Variants in PTPRD observed in about 807,000 individuals in gnomAD.
PTPRD encodes the protein receptor-type tyrosine-protein phosphatase delta.
A neutral mutation model predicts 214.5 loss-of-function variants in PTPRD; 34 were observed. The observed-to-expected ratio is 0.16, with a 90% CI of 0.12 to 0.21. The LOEUF is 0.21. Ranked by LOEUF, PTPRD falls within the 10% of genes least tolerant of loss-of-function variation. The probability of loss-of-function intolerance (pLI) is 1.00; values close to 1 mark genes in which losing one functional copy is unlikely to be tolerated. For missense variants in PTPRD, 2,545 were observed against 2,398.7 expected (o/e 1.06, Z -1.27); for synonymous variants, 1,128 against 845.7 (o/e 1.33, Z -5.79).
At chr9:8,969,790 G>T (rs999636237) in intron 11 of PTPRD, among the ~76,000 whole-genome samples, 3 of 151,794 alleles carry the variant, frequency 2.0e-5, no homozygotes, top group Admixed American at 1.3e-4. Context: ...CTAGGGTCAA[G>T]AAAAGTATAA....
At chr9:10,431,227 G>C (rs1476790921) in intron 2 of PTPRD, among the ~76,000 whole-genome samples, 3 of 151,872 alleles carry the variant, frequency 2.0e-5, no homozygotes, top group Non-Finnish European at 4.4e-5. Flanking sequence ...TTCCAGTTTA[G>C]CCATATGTAG....
chr9:10,519,533 A>G (rs2051429214), intron 2 of PTPRD, among the ~76,000 whole-genome samples: 3 of 152,118 alleles, frequency 2.0e-5, no homozygotes, highest in Admixed American at 2.0e-4. Flanking sequence ...AACTTCTTAG[A>G]GCTGAGTATA....
rs1421298671 is a variant in PTPRD at position 9,810,562 on chromosome 9, G to A, written c.-367-43711C>T. 2.6e-5 allele frequency among the ~76,000 whole-genome samples: 4 copies of A among 151,466 alleles called. No homozygotes were observed. In the South Asian group the frequency reaches 6.3e-4, roughly 24 times the overall value. On this transcript the variant is annotated intron_variant, in intron 5 of 45. Coordinates refer to ENST00000381196, the MANE Select transcript of PTPRD (RefSeq NM_002839.4). Reference sequence around the variant, plus strand: ...GGATGACAGCAAAACTTTACCACATGGTTGATGGAATATTTTAAGTTACTT... The same window carrying A: ...GGATGACAGCAAAACTTTACCACATAGTTGATGGAATATTTTAAGTTACTT...
intron 5 of PTPRD, among the ~76,000 whole-genome samples, chr9:9,861,888 C>A (rs1391321553): frequency 1.3e-5 from 2 of 152,064 alleles, no homozygotes; most frequent in African/African-American, 4.8e-5. Context: ...TTTACCTTAC[C>A]TGTTTTGATT....
chr9:10,367,227 A>C (rs1421235665), intron 2 of PTPRD, among the ~76,000 whole-genome samples: 2 of 152,144 alleles, frequency 1.3e-5, no homozygotes, highest in African/African-American at 4.8e-5. Context: ...TAAGAGAGAA[A>C]TTAAGGAGAA....
intron 2 of PTPRD, among the ~76,000 whole-genome samples, chr9:10,438,211 G>A (rs958880521): frequency 6.6e-6 from 1 of 151,242 alleles, no homozygotes. Context: ...CAATTACTGA[G>A]TGCCTATACA....
intron 5 of PTPRD, among the ~76,000 whole-genome samples, chr9:9,775,868 A>G (rs1228524514): frequency 7.1e-6 from 1 of 141,044 alleles, no homozygotes; most frequent in Non-Finnish European, 1.5e-5. Context: ...AGGCAGGAGA[A>G]TGGTGTGAAC....
intron 3 of PTPRD, among the ~76,000 whole-genome samples, chr9:10,158,116 C>T (rs528029274): frequency 6.6e-6 from 1 of 152,180 alleles, no homozygotes; most frequent in East Asian, 1.9e-4. Context: ...TCAAACAATT[C>T]TTCTGTCTCA....
chr9:10,015,847 G>A (rs1389613119), intron 4 of PTPRD, among the ~76,000 whole-genome samples: 1 of 152,048 alleles, frequency 6.6e-6, no homozygotes, highest in African/African-American at 2.4e-5. Context: ...GATACTACAA[G>A]GTCATTTTGA....
chr9:9,390,730 G>C (rs1309126109), intron 9 of PTPRD, among the ~76,000 whole-genome samples: 3 of 152,140 alleles, frequency 2.0e-5, no homozygotes, highest in African/African-American at 7.2e-5. Flanking sequence ...GAGGACAGCA[G>C]GCACAGTCTT....
chr9:9,469,065 T>A (rs1334108014), intron 8 of PTPRD, among the ~76,000 whole-genome samples: 1 of 152,148 alleles, frequency 6.6e-6, no homozygotes, highest in Non-Finnish European at 1.5e-5. Context: ...GCACTTGAAA[T>A]GTTTGGCCCA....
At position 8,321,479 on chromosome 9, in the gene PTPRD, GTGTGTGTGTA is replaced by G. The variant is rs1489885385; in HGVS notation, c.5535-1523_5535-1514del. ...GTCTTCTTTGTGTGTGTGTGTGTGT[GTGTGTGTGTA>G]TATATATATATATATATATATATAT... On this transcript the variant is annotated intron_variant, in intron 44 of 45. Coordinates refer to ENST00000381196, the MANE Select transcript of PTPRD (RefSeq NM_002839.4). Among the ~76,000 whole-genome samples the G allele has an allele frequency of 5.2e-4, 30 of 58,120 alleles. 2 individuals carry two copies. Among genetic ancestry groups the G allele is most frequent in the East Asian group, 4.3e-3 (9 of 2,084 alleles). 38.1% of individuals were successfully genotyped at this position (58,120 alleles called of 152,430 possible). A position where few individuals can be genotyped will look rare whatever the true frequency, so the allele number is the denominator to read the frequency against.
chr9:9,430,440 A>G (rs954513724), intron 8 of PTPRD, among the ~76,000 whole-genome samples: 7 of 152,042 alleles, frequency 4.6e-5, no homozygotes, highest in African/African-American at 1.4e-4. Context: ...ATGTTCATGG[A>G]CAGGAAGAAT....
intron 2 of PTPRD, among the ~76,000 whole-genome samples, chr9:10,578,280 A>T (rs2070290755): frequency 6.6e-6 from 1 of 152,170 alleles, no homozygotes; most frequent in Admixed American, 6.6e-5. Context: ...AGATGCACAG[A>T]TTATAATGAT....
chr9:10,151,922 C>T (rs2099063682), intron 3 of PTPRD, among the ~76,000 whole-genome samples: 1 of 152,058 alleles, frequency 6.6e-6, no homozygotes, highest in Non-Finnish European at 1.5e-5. Flanking sequence ...ATGGATATAC[C>T]ACAGTTTATT....
chr9:9,201,078 T>C (rs1337102958), intron 9 of PTPRD, among the ~76,000 whole-genome samples: 1 of 152,186 alleles, frequency 6.6e-6, no homozygotes, highest in Non-Finnish European at 1.5e-5. Context: ...AATAAATATA[T>C]GGAAAATCTT....
chr9:8,470,509 A>G (rs78706132), intron 31 of PTPRD, among the ~76,000 whole-genome samples: 2 of 152,280 alleles, frequency 1.3e-5, no homozygotes, highest in East Asian at 3.9e-4. Context: ...CCTACAGAAT[A>G]TAGAACAAGG....
intron 5 of PTPRD, among the ~76,000 whole-genome samples, chr9:9,860,602 T>C (rs2062519748): frequency 2.0e-5 from 3 of 152,214 alleles, no homozygotes; most frequent in Admixed American, 1.3e-4. Flanking sequence ...TACCAGTCTC[T>C]GATGATGACA....
chr9:10,506,270 A>G (rs72700969), intron 2 of PTPRD, among the ~76,000 whole-genome samples: 15,000 of 152,178 alleles, frequency 0.099, 996 homozygotes, highest in African/African-American at 0.18. Flanking sequence ...AATAGTATGA[A>G]GAATTACCAT....
Sources: allele counts gnomAD v4.1 joint callset (sites outside exome capture counted in the v4.1 genomes callset), GRCh38; gene constraint gnomAD v4.1.1; transcripts MANE v1.5; gene names NCBI Gene and HGNC (gene_info 2026-07-23, HGNC 2026-07-21).